Variants in FOXN3 observed in about 807,000 individuals in gnomAD.
FOXN3 encodes the protein forkhead box protein N3.
FOXN3 carries 7 observed loss-of-function variants against 38.4 expected under a neutral mutation model. That is an observed-to-expected ratio of 0.18 (90% CI 0.10 to 0.34). The LOEUF is 0.34. Ranked by LOEUF, FOXN3 falls within the 10% of genes least tolerant of loss-of-function variation. The pLI is 1.00. For missense variants in FOXN3, 456 were observed against 613.4 expected (o/e 0.74, Z 2.71); for synonymous variants, 230 against 242.2 (o/e 0.95, Z 0.47).
chr14:89,363,661 T>C (rs1319426708), intron 2 of FOXN3, among the ~76,000 whole-genome samples: 3 of 152,228 alleles, frequency 2.0e-5, no homozygotes, highest in African/African-American at 7.2e-5. Context: ...GAAAGGCAGT[T>C]AATCCACTTA....
At chr14:89,415,951 G>A (rs368207119) in intron 1 of FOXN3, among the ~76,000 whole-genome samples, 1 of 151,396 alleles carries the variant, frequency 6.6e-6, no homozygotes, top group African/African-American at 2.4e-5. Context: ...GAGAAAATGC[G>A]GCAAGAAAGC....
At chr14:89,208,740 G>C (rs1478778012) in intron 4 of FOXN3, among the ~76,000 whole-genome samples, 7 of 152,072 alleles carry the variant, frequency 4.6e-5, no homozygotes, top group Admixed American at 4.6e-4. Context: ...TAGAATTTTT[G>C]AGCTAAAAGA....
At chr14:89,171,062 G>GAA (rs71301967) in intron 5 of FOXN3, among the ~76,000 whole-genome samples, 1 of 151,242 alleles carries the variant, frequency 6.6e-6, no homozygotes, top group Non-Finnish European at 1.5e-5. Flanking sequence ...TTGATTCTTT[G>GAA]AAAAAAAATC....
At chr14:89,580,821 G>A (rs1208303868) in intron 1 of FOXN3, among the ~76,000 whole-genome samples, 1 of 152,212 alleles carries the variant, frequency 6.6e-6, no homozygotes, top group Non-Finnish European at 1.5e-5. Context: ...TTTCAATTAT[G>A]TTTTTAGGGA....
chr14:89,576,979 G>A (rs908800174), intron 1 of FOXN3: 14 of 152,130 alleles, frequency 9.2e-5, no homozygotes, highest in African/African-American at 3.1e-4. Flanking sequence ...AGAGAAAATC[G>A]CTCTAATCAT....
intron 2 of FOXN3, among the ~76,000 whole-genome samples, chr14:89,387,548 C>T (rs1890826899): frequency 6.6e-6 from 1 of 152,176 alleles, no homozygotes; most frequent in South Asian, 2.1e-4. Context: ...TCTCTGACTC[C>T]AACTTCCACC....
chr14:89,586,929 G>C (rs549125998), intron 1 of FOXN3, among the ~76,000 whole-genome samples: 1 of 152,252 alleles, frequency 6.6e-6, no homozygotes, highest in Admixed American at 6.5e-5. Flanking sequence ...AGGTCTCTAT[G>C]AAGAGCTCAC....
chr14:89,584,599 T>C (rs925169946), intron 1 of FOXN3, among the ~76,000 whole-genome samples: 4 of 152,206 alleles, frequency 2.6e-5, no homozygotes, highest in African/African-American at 9.6e-5. Flanking sequence ...AAAATATGAA[T>C]TTAATTTCAT....
chr14:89,587,320 T>C (rs1895860053), intron 1 of FOXN3, among the ~76,000 whole-genome samples: 1 of 152,236 alleles, frequency 6.6e-6, no homozygotes, highest in Non-Finnish European at 1.5e-5. Context: ...AGACTGGTGT[T>C]TGACCAAATA....
chr14:89,311,105 TAAAA>T (rs10646875), intron 3 of FOXN3, among the ~76,000 whole-genome samples: 1 of 110,392 alleles, frequency 9.1e-6, no homozygotes, highest in Non-Finnish European at 1.9e-5. Flanking sequence ...AAACTCCGTC[TAAAA>T]AAAAAAAAAA....
intron 1 of FOXN3, among the ~76,000 whole-genome samples, chr14:89,568,426 G>A (rs946433761): frequency 5.9e-5 from 9 of 151,952 alleles, no homozygotes; most frequent in African/African-American, 1.5e-4. Flanking sequence ...CCACCTCCCC[G>A]CACATCCATG....
chr14:89,414,613 G>A (rs1891645809), intron 1 of FOXN3, among the ~76,000 whole-genome samples: 1 of 149,974 alleles, frequency 6.7e-6, no homozygotes, highest in Admixed American at 6.7e-5. Flanking sequence ...GAGTGCAGTG[G>A]TGCAAAATCC....
chr14:89,415,604 C>CAAAAAAAAAAAAAAAAAA (rs34026101), intron 1 of FOXN3, among the ~76,000 whole-genome samples: 14 of 54,282 alleles, frequency 2.6e-4, no homozygotes, highest in African/African-American at 4.5e-4. Context: ...CAACAATAAC[C>CAAAAAAAAAAAAAAAAAA]AAAAAAAAAA....
intron 1 of FOXN3, among the ~76,000 whole-genome samples, chr14:89,493,261 G>C (rs1477626775): frequency 6.6e-6 from 1 of 152,078 alleles, no homozygotes; most frequent in East Asian, 1.9e-4. Context: ...AAAATTTTTT[G>C]ACATTAAAAA....
At chr14:89,414,901 G>C (rs1420328698) in intron 1 of FOXN3, among the ~76,000 whole-genome samples, 1 of 152,174 alleles carries the variant, frequency 6.6e-6, no homozygotes, top group African/African-American at 2.4e-5. Context: ...TTGCAGTACA[G>C]ACCAGGCAGG....
At chr14:89,480,534 T>C (rs1288175023) in intron 1 of FOXN3, among the ~76,000 whole-genome samples, 1 of 152,172 alleles carries the variant, frequency 6.6e-6, no homozygotes, top group African/African-American at 2.4e-5. Context: ...AACATGGATT[T>C]CTTTTTTCCT....
At chr14:89,509,979 C>T (rs574484786) in intron 1 of FOXN3, among the ~76,000 whole-genome samples, 1 of 152,266 alleles carries the variant, frequency 6.6e-6, no homozygotes, top group African/African-American at 2.4e-5. Flanking sequence ...AGGGCATGTT[C>T]CCCATGTTTC....
chr14:89,300,765 G>GT (rs1159649175), intron 3 of FOXN3, among the ~76,000 whole-genome samples: 3 of 152,124 alleles, frequency 2.0e-5, no homozygotes, highest in Non-Finnish European at 2.9e-5. Context: ...TGCTACAGTT[G>GT]TATGTAATAG....
chr14:89,244,371 G>T (rs1885228526), intron 4 of FOXN3, among the ~76,000 whole-genome samples: 1 of 152,094 alleles, frequency 6.6e-6, no homozygotes, highest in Non-Finnish European at 1.5e-5. Context: ...CCCTCCTATT[G>T]TATCCTTAGT....
Sources: gnomAD v4.1 joint callset for allele counts (sites outside exome capture counted in the v4.1 genomes callset) on GRCh38, gnomAD v4.1.1 for gene constraint, MANE v1.5 for transcripts, NCBI Gene and HGNC (gene_info 2026-07-23, HGNC 2026-07-21) for gene names.